Variants in GAB4 observed in about 807,000 individuals in gnomAD.
GAB4 encodes GRB2 associated binding protein family member 4.
In GAB4, 26 loss-of-function variants were observed where a neutral mutation model predicts 51.3. The ratio of observed to expected loss-of-function variants is 0.51; its 90% CI spans 0.37 to 0.70. The LOEUF is 0.70. Among genes scored for constraint, GAB4 ranks in the 30% least tolerant of loss-of-function variants. The pLI is 0.00. For synonymous variants in GAB4, 329 were observed against 291.2 expected (o/e 1.13, Z -1.32); for missense variants, 759 against 734.6 (o/e 1.03, Z -0.38).
At chr22:16,978,679 TTG>T (rs3051562) in intron 3 of GAB4, among the ~76,000 whole-genome samples, 3,368 of 152,312 alleles carry the variant, frequency 0.022, 59 homozygotes, top group Middle Eastern at 0.068. Flanking sequence ...CTAACTCATT[TTG>T]TGAGGCCAGC....
At chr22:16,974,867 C>T (rs1004209402) in intron 3 of GAB4, among the ~76,000 whole-genome samples, 6 of 152,096 alleles carry the variant, frequency 3.9e-5, no homozygotes, top group Non-Finnish European at 5.9e-5. Flanking sequence ...GAGGGTGAGC[C>T]GAAGCAGGGT....
At chr22:16,995,978 G>T (rs1219101626) in intron 1 of GAB4, among the ~76,000 whole-genome samples, 2 of 151,988 alleles carry the variant, frequency 1.3e-5, no homozygotes, top group Non-Finnish European at 2.9e-5. Context: ...GACAGAAGTA[G>T]GCTTCAGAAG....
intron 3 of GAB4, among the ~76,000 whole-genome samples, chr22:16,974,500 T>C (rs2060759915): frequency 1.3e-5 from 2 of 152,160 alleles, no homozygotes; most frequent in Admixed American, 6.5e-5. Flanking sequence ...AGCAGCGCAG[T>C]GCACCTGCCC....
chr22:17,003,494 T>C (rs1013219524), intron 1 of GAB4, among the ~76,000 whole-genome samples: 6 of 152,272 alleles, frequency 3.9e-5, no homozygotes, highest in African/African-American at 1.4e-4. Context: ...TAGACCCCAG[T>C]ACAATCAAAT....
intron 9 of GAB4, 102 bp from the exon 10 acceptor site, chr22:16,962,978 G>GAGGTTCCTTCCCCCT: frequency 8.7e-6 from 10 of 1,143,526 alleles, no homozygotes; most frequent in South Asian, 1.5e-5. Flanking sequence ...TCAGGGGGAA[G>GAGGTTCCTTCCCCCT]GAACCTCTGC....
rs1474772745 is a variant in GAB4, at chr22:16,962,712, C to G, written c.*21G>C. On this transcript the variant is annotated 3_prime_UTR_variant, in exon 10 of 10. Coordinates refer to ENST00000400588, the MANE Select transcript of GAB4 (RefSeq NM_001037814.1). ...GCTCTGAGGCACTGTCCTGGCCCCACTCTGGTTTTGGTGGCCCGAGTCACA... is the reference window on the plus strand; with the variant it reads ...GCTCTGAGGCACTGTCCTGGCCCCAGTCTGGTTTTGGTGGCCCGAGTCACA... The G allele has an allele frequency of 4.4e-6, 7 of 1,604,370 alleles. No homozygotes were observed. The highest frequency in any genetic ancestry group is 5.9e-6 in the Non-Finnish European group (7 of 1,177,258).
chr22:16,984,136 G>T (rs1321448505), intron 3 of GAB4, among the ~76,000 whole-genome samples: 1 of 152,024 alleles, frequency 6.6e-6, no homozygotes, highest in Non-Finnish European at 1.5e-5. Context: ...TTACAAAATG[G>T]ACAAAAGATC....
chr22:16,983,037 C>T (rs748281214), intron 3 of GAB4, among the ~76,000 whole-genome samples: 2 of 152,158 alleles, frequency 1.3e-5, no homozygotes, highest in African/African-American at 4.8e-5. Flanking sequence ...TCTAGCATTC[C>T]CAGGATCACA....
intron 4 of GAB4, among the ~76,000 whole-genome samples, chr22:16,969,044 G>C (rs557957949): frequency 1.3e-5 from 2 of 152,214 alleles, no homozygotes; most frequent in Non-Finnish European, 2.9e-5. Context: ...GGATGCAAAA[G>C]GAAAGGAGTT....
At position 16,966,411 on chromosome 22, in the gene GAB4, A is replaced by G. The variant is rs779352191; in HGVS notation, c.1024-47T>C. The G allele has an allele frequency of 4.5e-6, 7 of 1,569,342 alleles. No homozygotes were observed. The Admixed American group carries it at 1.2e-4, about 28-fold the overall frequency. On this transcript the variant is annotated intron_variant, in intron 5 of 9. Coordinates refer to ENST00000400588, the MANE Select transcript of GAB4 (RefSeq NM_001037814.1). Reference sequence around the variant, plus strand: ...AAACACAGCTATCACCAGCAAGAACAAGATAGGAATGAGAATTTCTAGACA... The same window carrying G: ...AAACACAGCTATCACCAGCAAGAACGAGATAGGAATGAGAATTTCTAGACA...
chr22:16,999,655 A>G (rs1371818119), intron 1 of GAB4, among the ~76,000 whole-genome samples: 1 of 151,960 alleles, frequency 6.6e-6, no homozygotes, highest in Non-Finnish European at 1.5e-5. Flanking sequence ...TTCTGCTCTG[A>G]TCTTAGTCAT....
In GAB4 at chr22:16,966,345, C is replaced by T. The variant is rs772658187; in HGVS notation, c.1043G>A (p.Gly348Asp). 2.5e-6 allele frequency: 4 copies of T among 1,611,904 alleles called. No homozygotes were observed. The highest frequency in any genetic ancestry group is 1.7e-5 in the Admixed American group (1 of 59,966). ...CTCAGAAGCAATGCTGTCTGACAGG[C>T]CCACAAGCGTTCTTCCTGGCTAGGA... is the stretch of plus-strand genomic sequence containing the variant. ...CSFLPGRTLV[G>D]LSDSIASEGS... The change falls in exon 6 of 10, where the codon GGC (glycine) becomes GAC (aspartate). Residue 348 changes from glycine to aspartate, a missense_variant. By Grantham distance (94) the Gly-to-Asp change is moderately conservative. Coordinates refer to ENST00000400588, the MANE Select transcript of GAB4 (RefSeq NM_001037814.1).
At chr22:16,986,299 G>A (rs868834447) in intron 3 of GAB4, among the ~76,000 whole-genome samples, 2 of 152,218 alleles carry the variant, frequency 1.3e-5, no homozygotes, top group Non-Finnish European at 2.9e-5. Context: ...CTCCCCAGGT[G>A]TTCCACGTGC....
chr22:16,965,141 C>T (rs564322951), intron 7 of GAB4, 37 bp downstream of exon 7: 26 of 1,511,470 alleles, frequency 1.7e-5, no homozygotes, highest in African/African-American at 5.5e-5. Context: ...TCCACCGGCC[C>T]GGTCCCAAGC....
At chr22:16,979,349 C>A (rs760550787) in intron 3 of GAB4, among the ~76,000 whole-genome samples, 12 of 152,080 alleles carry the variant, frequency 7.9e-5, no homozygotes, top group Non-Finnish European at 1.8e-4. Context: ...ATAAAAAATC[C>A]ACGTGCAAAA....
At chr22:16,998,174 C>T (rs1230043382) in intron 1 of GAB4, among the ~76,000 whole-genome samples, 3 of 152,154 alleles carry the variant, frequency 2.0e-5, no homozygotes, top group Non-Finnish European at 2.9e-5. Flanking sequence ...TTTTCCAATT[C>T]TGTGAAGAAA....
At chr22:16,963,235 C>T (rs2060643616) in intron 9 of GAB4, among the ~76,000 whole-genome samples, 1 of 152,138 alleles carries the variant, frequency 6.6e-6, no homozygotes, top group Admixed American at 6.5e-5. Flanking sequence ...CTTGGTGAGC[C>T]CTATCTCCCC....
chr22:16,966,211 A>G lies in GAB4; in HGVS notation c.1177T>C (p.Phe393Leu), dbSNP rs760129562. ...CIPVGSCLVRFDLLGSPLTEL... is the reference protein window; with the variant it reads ...CIPVGSCLVRLDLLGSPLTEL... ...GTGAGTGGGGAGCCAAGCAGGTCAA[A>G]GCGAACAAGACATGAGCCCACAGGG... Residue 393 changes from phenylalanine (F) to leucine (L), a missense_variant, in exon 6 of 10, where the codon TTT (phenylalanine) becomes CTT (leucine). Coordinates refer to ENST00000400588, the MANE Select transcript of GAB4 (RefSeq NM_001037814.1). 4.3e-6 allele frequency: 7 copies of G among 1,614,110 alleles called. No individual in the cohort carries two copies. In the South Asian group the frequency reaches 6.6e-5, roughly 15 times the overall value.
intron 5 of GAB4, chr22:16,966,702 T>G: frequency 3.6e-6 from 1 of 275,050 alleles, no homozygotes; most frequent in Non-Finnish European, 7.0e-6. Flanking sequence ...CAACTGGAAG[T>G]GTATCTTGCA....
Sources: allele counts gnomAD v4.1 joint callset (sites outside exome capture counted in the v4.1 genomes callset), GRCh38; gene constraint gnomAD v4.1.1; transcripts MANE v1.5; gene names NCBI Gene and HGNC (gene_info 2026-07-23, HGNC 2026-07-21).